The following POGLUT1 variants were observed in gnomAD, a reference collection of about 807,000 sequenced individuals.
POGLUT1 encodes protein O-glucosyltransferase 1.
A neutral mutation model predicts 61.3 loss-of-function variants in POGLUT1; 32 were observed. The ratio of observed to expected loss-of-function variants is 0.52; its 90% CI spans 0.39 to 0.70. The LOEUF is 0.70. Ranked by LOEUF, POGLUT1 falls within the 30% of genes least tolerant of loss-of-function variation. POGLUT1 has a pLI of 0.00. For synonymous variants in POGLUT1, 158 were observed against 158.2 expected, an observed-to-expected ratio of 1.00 and a Z score of 0.01; for missense variants, 411 against 469.8, an observed-to-expected ratio of 0.87 and a Z score of 1.16.
At chr3:119,472,437 C>G (rs2081485708) in intron 3 of POGLUT1, among the ~76,000 whole-genome samples, 1 of 152,096 alleles carries the variant, frequency 6.6e-6, no homozygotes, top group African/African-American at 2.4e-5. Flanking sequence ...ATAAACAAGG[C>G]CGGGTGCGGT....
Position 119,469,238 on chromosome 3 carries a change from C to T in POGLUT1, c.85+132C>T, listed in dbSNP as rs530616432. The T allele has an allele frequency of 5.2e-3, 3,666 of 711,378 alleles. 12 individuals carry two copies. Among genetic ancestry groups the T allele is most frequent in the Non-Finnish European group, 7.0e-3 (2,927 of 415,346 alleles). The allele number at this position is 711,378 out of a possible 1,614,324, so 44.1% of individuals were successfully genotyped here. ...TAGCTCGGAGCTGGGCAGAAGGCACCGGGGCGCCTTGCGGCGGAGAGTGAG... is the reference window on the plus strand; with the variant it reads ...TAGCTCGGAGCTGGGCAGAAGGCACTGGGGCGCCTTGCGGCGGAGAGTGAG... On this transcript the variant is annotated intron_variant, in intron 1 of 10. Coordinates refer to ENST00000295588, the MANE Select transcript of POGLUT1 (RefSeq NM_152305.3).
intron 3 of POGLUT1, among the ~76,000 whole-genome samples, chr3:119,474,099 G>A (rs914562410): frequency 2.6e-5 from 4 of 152,098 alleles, no homozygotes; most frequent in African/African-American, 7.2e-5. Context: ...TCAAAGATGA[G>A]GAGTAATGGT....
chr3:119,486,863 T>C lies in POGLUT1; in HGVS notation c.669T>C (p.Leu223=). 6.2e-7 allele frequency: 1 copy of C among 1,613,630 alleles called. No homozygotes were observed. The change falls in exon 7 of 11, where the codon CTT becomes CTC. Residue 223 remains leucine (L), a synonymous_variant. Transcript: ENST00000295588. Reference sequence around the variant, plus strand: ...GTCCAGAACGAGATCCTCTCATTCTTCTGTCTCGGAAAAACCCAAAACTTG... The same window carrying C: ...GTCCAGAACGAGATCCTCTCATTCTCCTGTCTCGGAAAAACCCAAAACTTG... The part of the protein sequence containing the change: ...RTSPERDPLI[L]LSRKNPKLVD...
At chr3:119,471,225 C>T (rs896032047) in intron 2 of POGLUT1, 84 bp from the exon 3 acceptor site, 4 of 1,262,724 alleles carry the variant, frequency 3.2e-6, no homozygotes, top group Non-Finnish European at 4.6e-6. Flanking sequence ...TTCTCTAATA[C>T]GAAACCTAAA....
chr3:119,475,297 C>G (rs1326751045), intron 3 of POGLUT1, among the ~76,000 whole-genome samples: 2 of 152,154 alleles, frequency 1.3e-5, no homozygotes, highest in Non-Finnish European at 2.9e-5. Context: ...TAGAGAATGC[C>G]TCACTTTTTC....
At chr3:119,471,992 C>T (rs540463408) in intron 3 of POGLUT1, among the ~76,000 whole-genome samples, 2 of 152,104 alleles carry the variant, frequency 1.3e-5, no homozygotes, top group South Asian at 2.1e-4. Flanking sequence ...GAGTGAGACC[C>T]TGTCTATTAA....
intron 5 of POGLUT1, among the ~76,000 whole-genome samples, chr3:119,484,609 A>G (rs980942567): frequency 6.6e-6 from 1 of 152,244 alleles, no homozygotes; most frequent in Non-Finnish European, 1.5e-5. Context: ...ACATAAAATC[A>G]GAGAGTGATT....
chr3:119,469,530 AT>A (rs1424524556), intron 1 of POGLUT1, among the ~76,000 whole-genome samples: 2 of 152,180 alleles, frequency 1.3e-5, no homozygotes, highest in Non-Finnish European at 2.9e-5. Flanking sequence ...GTTCAATTTG[AT>A]TAGTAGAAAG....
At chr3:119,486,431 G>A (rs890080710) in intron 6 of POGLUT1, among the ~76,000 whole-genome samples, 1 of 152,110 alleles carries the variant, frequency 6.6e-6, no homozygotes, top group Non-Finnish European at 1.5e-5. Flanking sequence ...GGGCTGTACA[G>A]AGCATACATA....
chr3:119,482,129 T>A (rs1005142839), intron 5 of POGLUT1, among the ~76,000 whole-genome samples: 1 of 152,238 alleles, frequency 6.6e-6, no homozygotes, highest in South Asian at 2.1e-4. Flanking sequence ...AATTTTCTAA[T>A]CCTTTCCCCC....
intron 4 of POGLUT1, chr3:119,478,457 A>T (rs2081566756): frequency 4.4e-6 from 2 of 456,410 alleles, no homozygotes; most frequent in Non-Finnish European, 4.4e-6. Context: ...ACTCAGAAGA[A>T]CAGATAGAGG....
intron 3 of POGLUT1, among the ~76,000 whole-genome samples, chr3:119,472,475 G>C (rs2081486217): frequency 6.6e-6 from 1 of 152,164 alleles, no homozygotes; most frequent in South Asian, 2.1e-4. Context: ...CCAGCACTTT[G>C]GGAGGCTGAG....
intron 9 of POGLUT1, among the ~76,000 whole-genome samples, 181 bp from the exon 10 acceptor site, chr3:119,491,337 G>T (rs1036433769): frequency 6.7e-6 from 1 of 149,976 alleles, no homozygotes; most frequent in African/African-American, 2.4e-5. Context: ...TAATCAGTGT[G>T]TGGGGGTTTT....
At chr3:119,492,041 C>T (rs151161287) in intron 10 of POGLUT1, among the ~76,000 whole-genome samples, 1,986 of 148,582 alleles carry the variant, frequency 0.013, 39 homozygotes, top group South Asian at 0.075. Flanking sequence ...GCAACAAGAG[C>T]GAAACTCCGT....
chr3:119,481,614 T>C (rs572063750), intron 5 of POGLUT1, among the ~76,000 whole-genome samples: 41 of 152,230 alleles, frequency 2.7e-4, no homozygotes, highest in African/African-American at 9.4e-4. Flanking sequence ...ACTTCTCTAG[T>C]GGGTATAATT....
At chr3:119,485,924 C>T (rs1461848074) in intron 6 of POGLUT1, among the ~76,000 whole-genome samples, 1 of 152,100 alleles carries the variant, frequency 6.6e-6, no homozygotes, top group East Asian at 1.9e-4. Flanking sequence ...CTCCATAGTC[C>T]CAAGGCCAAG....
chr3:119,472,474 T>C (rs1407333349), intron 3 of POGLUT1, among the ~76,000 whole-genome samples: 1 of 152,078 alleles, frequency 6.6e-6, no homozygotes, highest in Admixed American at 6.5e-5. Context: ...CCCAGCACTT[T>C]GGGAGGCTGA....
intron 4 of POGLUT1, among the ~76,000 whole-genome samples, chr3:119,479,191 A>G (rs562324611): frequency 5.3e-5 from 8 of 152,050 alleles, no homozygotes; most frequent in Middle Eastern, 3.4e-3. Flanking sequence ...CGGCCTCCCA[A>G]AGTGCTGGGA....
intron 8 of POGLUT1, 112 bp from the exon 9 acceptor site, chr3:119,490,439 G>A (rs1332947370): frequency 6.5e-6 from 6 of 916,616 alleles, no homozygotes; most frequent in Non-Finnish European, 1.0e-5. Flanking sequence ...AGTGGAAAGA[G>A]AATGGAGAGG....
Sources: allele counts gnomAD v4.1 joint callset (sites outside exome capture counted in the v4.1 genomes callset), GRCh38; gene constraint gnomAD v4.1.1; transcripts MANE v1.5; gene names NCBI Gene and HGNC (gene_info 2026-07-23, HGNC 2026-07-21).